The following SDK1 variants were observed in gnomAD, a reference collection of about 807,000 sequenced individuals.
SDK1 encodes the protein sidekick cell adhesion molecule 1, also known as protein sidekick-1.
SDK1 carries 157 observed loss-of-function variants against 245.5 expected under a neutral mutation model. That is an observed-to-expected ratio of 0.64 (90% CI 0.56 to 0.73). The LOEUF (loss-of-function observed/expected upper bound fraction) is 0.73, where lower values mean the gene tolerates loss of function less well. Ranked by LOEUF, SDK1 falls within the 30% of genes least tolerant of loss-of-function variation. The pLI is 0.00. For missense variants in SDK1, 3,583 were observed against 3,002.3 expected, an observed-to-expected ratio of 1.19 and a Z score of -4.52; for synonymous variants, 1,647 against 1,278.5, an observed-to-expected ratio of 1.29 and a Z score of -6.15.
At chr7:4,210,352 A>G (rs552851724) in intron 38 of SDK1, among the ~76,000 whole-genome samples, 190 bp downstream of exon 38, 1 of 152,268 alleles carries the variant, frequency 6.6e-6, no homozygotes, top group East Asian at 1.9e-4. Context: ...CTCGCGGGGA[A>G]AGGCCTGTGA....
chr7:3,613,430 G>C (rs567576374), intron 1 of SDK1, among the ~76,000 whole-genome samples: 14 of 152,142 alleles, frequency 9.2e-5, no homozygotes, highest in Admixed American at 3.9e-4. Flanking sequence ...TGTTGTGTAA[G>C]CCTTCCTTTT....
intron 38 of SDK1, among the ~76,000 whole-genome samples, chr7:4,216,356 C>T (rs189689494): frequency 2.2e-4 from 33 of 152,286 alleles, no homozygotes; most frequent in African/African-American, 7.2e-4. Flanking sequence ...GCCCCACGGC[C>T]GCTGCTCCCA....
At chr7:4,263,380 G>C (rs1170472895) in intron 44 of SDK1, among the ~76,000 whole-genome samples, 1 of 148,634 alleles carries the variant, frequency 6.7e-6, no homozygotes, top group African/African-American at 2.5e-5. Context: ...ACCTCTGCTG[G>C]GTGGGGAGGC....
At chr7:4,117,369 G>A (rs1783780731) in intron 25 of SDK1, among the ~76,000 whole-genome samples, 1 of 152,212 alleles carries the variant, frequency 6.6e-6, no homozygotes, top group African/African-American at 2.4e-5. Context: ...TTGGGAGGCT[G>A]AGGCAGGAAG....
intron 1 of SDK1, among the ~76,000 whole-genome samples, chr7:3,436,988 A>T (rs983346209): frequency 6.6e-6 from 1 of 152,186 alleles, no homozygotes; most frequent in Admixed American, 6.5e-5. Context: ...AATAAAAAAA[A>T]TTTCCTGGGT....
chr7:3,926,736 T>C (rs796840325), intron 5 of SDK1, among the ~76,000 whole-genome samples: 1 of 152,242 alleles, frequency 6.6e-6, no homozygotes, highest in Non-Finnish European at 1.5e-5. Flanking sequence ...GCCACCACTT[T>C]CTACGACTCC....
At chr7:3,821,278 G>A (rs573358487) in intron 4 of SDK1, among the ~76,000 whole-genome samples, 172 bp from the exon 5 acceptor site, 1 of 152,186 alleles carries the variant, frequency 6.6e-6, no homozygotes, top group Non-Finnish European at 1.5e-5. Flanking sequence ...ATCAGAAGAG[G>A]CTCTCTCTGG....
Position 3,987,267 on chromosome 7 carries a change from G to T in SDK1, c.2076G>T (p.Arg692=), listed in dbSNP as rs1783930492. The change falls in exon 14 of 45, where the codon CGG becomes CGT. Residue 692 remains arginine, a synonymous_variant. Coordinates refer to ENST00000404826, the MANE Select transcript of SDK1 (RefSeq NM_152744.4). ...ACGCCGTGGTGCTCTCTTGGGTCCG[G>T]CCCTTTGATGGAAACAGTCCTATTC... is the stretch of plus-strand genomic sequence containing the variant. ...HSHAVVLSWV[R]PFDGNSPILY... 6.2e-7 allele frequency: 1 copy of T among 1,613,994 alleles called. No individual in the cohort carries two copies. The highest frequency in any genetic ancestry group is 1.1e-5 in the South Asian group (1 of 91,080).
intron 2 of SDK1, among the ~76,000 whole-genome samples, chr7:3,631,091 G>T (rs1237546598): frequency 6.6e-6 from 1 of 151,948 alleles, no homozygotes; most frequent in Non-Finnish European, 1.5e-5. Flanking sequence ...ATGCTGCCAC[G>T]CCTGGTTAAT....
intron 17 of SDK1, among the ~76,000 whole-genome samples, chr7:4,018,854 A>T (rs1253042221): frequency 6.6e-6 from 1 of 152,182 alleles, no homozygotes; most frequent in South Asian, 2.1e-4. Context: ...CAGGGAATGT[A>T]GGAGGCGGGG....
At position 3,962,657 on chromosome 7, in the gene SDK1, G is replaced by C. The variant is rs752489341; in HGVS notation, c.1235G>C (p.Gly412Ala). ...ETVDIGCQAM[G>A]VPLPTLQWYK... ...CCTATTTATTCCCATTCCTACGCAG[G>C]GGTCCCCCTTCCCACCCTCCAGTGG... Residue 412 changes from glycine (G) to alanine (A), a missense_variant and splice_region_variant, in exon 9 of 45, where the codon GGG becomes GCG. Gly to Ala is a moderately conservative substitution (Grantham distance 60, BLOSUM62 0). Coordinates refer to ENST00000404826, the MANE Select transcript of SDK1 (RefSeq NM_152744.4). The C allele has an allele frequency of 6.2e-7, 1 of 1,603,684 alleles. No individual in the cohort carries two copies. Among genetic ancestry groups the C allele is most frequent in the East Asian group, 2.2e-5 (1 of 44,632 alleles).
chr7:3,502,265 C>G (rs1782241048), intron 1 of SDK1, among the ~76,000 whole-genome samples: 1 of 151,308 alleles, frequency 6.6e-6, no homozygotes, highest in South Asian at 2.1e-4. Flanking sequence ...TAGACAAAGT[C>G]TTGCTTAAAG....
intron 4 of SDK1, among the ~76,000 whole-genome samples, chr7:3,793,549 C>G (rs777028609): frequency 6.6e-6 from 1 of 152,190 alleles, no homozygotes; most frequent in African/African-American, 2.4e-5. Context: ...ACCCGTGATC[C>G]TCTGCCCTTT....
Position 4,265,130 on chromosome 7 carries a change from G to T in SDK1, c.6388G>T (p.Asp2130Tyr), listed in dbSNP as rs370636786. 3 of 1,611,522 alleles carry T rather than the reference G, an allele frequency of 1.9e-6. No individual in the cohort carries two copies. Among genetic ancestry groups the T allele is most frequent in the Non-Finnish European group, 1.7e-6 (2 of 1,179,532 alleles). Reference protein sequence around the residue: ...SADASESEATDSDYEDALPKH... With the variant: ...SADASESEATYSDYEDALPKH... ...TCTCTCCCGCTCCCCGCAGGCCACG[G>T]ACTCTGACTACGAGGACGCGCTGCC... is the stretch of plus-strand genomic sequence containing the variant. Residue 2130 changes from aspartate to tyrosine, a missense_variant, in exon 45 of 45, where the codon GAC (aspartate) becomes TAC (tyrosine). Asp to Tyr is a radical substitution (Grantham distance 160). Transcript: ENST00000404826.
In SDK1 at chr7:4,152,184, G is replaced by A. The variant is rs568609031; in HGVS notation, c.4625+2721G>A. ...CACGGAACTGGCAGCCAAGAAATAA[G>A]GCAATCGGAAGAGTCAGACTGTCCG... On this transcript the variant is annotated intron_variant, in intron 30 of 44. Coordinates refer to ENST00000404826, the MANE Select transcript of SDK1 (RefSeq NM_152744.4). Among the ~76,000 whole-genome samples, 167 of 152,294 alleles carry A rather than the reference G, an allele frequency of 1.1e-3. 1 individual carries two copies. Among genetic ancestry groups the A allele is most frequent in the Non-Finnish European group, 1.2e-3 (82 of 68,030 alleles).
Position 3,881,844 on chromosome 7 carries a change from G to C in SDK1, c.847+60261G>C, listed in dbSNP as rs146970501. On this transcript the variant is annotated intron_variant, in intron 5 of 44. Coordinates refer to ENST00000404826, the MANE Select transcript of SDK1 (RefSeq NM_152744.4). ...ATTTACTTTCTCTCAAGTGGTTCAT[G>C]GTACAGCTTCCCTTCACATTGAGGG... Among the ~76,000 whole-genome samples the C allele has an allele frequency of 4.7e-3, 713 of 152,274 alleles. 3 individuals carry two copies. The highest frequency in any genetic ancestry group is 7.9e-3 in the Non-Finnish European group (537 of 68,016).
intron 4 of SDK1, among the ~76,000 whole-genome samples, chr7:3,654,824 C>A (rs1004255031): frequency 1.3e-5 from 2 of 152,142 alleles, no homozygotes; most frequent in African/African-American, 2.4e-5. Context: ...ACCAATTTTT[C>A]ACTGGAAATA....
chr7:4,140,664 G>A (rs972314144), intron 28 of SDK1, among the ~76,000 whole-genome samples: 3 of 152,158 alleles, frequency 2.0e-5, no homozygotes, highest in Non-Finnish European at 2.9e-5. Flanking sequence ...CTGTGTGCTC[G>A]TGGGCACCCA....
At chr7:3,395,642 C>G (rs1266160726) in intron 1 of SDK1, among the ~76,000 whole-genome samples, 1 of 151,888 alleles carries the variant, frequency 6.6e-6, no homozygotes, top group Non-Finnish European at 1.5e-5. Flanking sequence ...TTTGTGGGAA[C>G]ATATTTTAAA....
Sources: allele counts gnomAD v4.1 joint callset (sites outside exome capture counted in the v4.1 genomes callset), GRCh38; gene constraint gnomAD v4.1.1; transcripts MANE v1.5; gene names NCBI Gene and HGNC (gene_info 2026-07-23, HGNC 2026-07-21).